The following UBE2D3 variants were observed in gnomAD, a reference collection of about 807,000 sequenced individuals.
UBE2D3 encodes ubiquitin-conjugating enzyme E2 D3.
Under a neutral mutation model 22.8 loss-of-function variants are expected in UBE2D3, and 2 were observed. The observed-to-expected ratio is 0.09, with a 90% confidence interval of 0.04 to 0.28. The LOEUF (loss-of-function observed/expected upper bound fraction) is 0.28. UBE2D3 is among the 10% of genes least tolerant of loss of function. UBE2D3 has a pLI of 1.00. For synonymous variants in UBE2D3, 56 were observed against 60.4 expected (o/e 0.93, Z 0.34); for missense variants, 27 against 182.5 (o/e 0.15, Z 4.91).
chr4:102,863,322 ATTACAGGC>A (rs1732990162), intron 1 of UBE2D3, among the ~76,000 whole-genome samples: 1 of 151,938 alleles, frequency 6.6e-6, no homozygotes, highest in South Asian at 2.1e-4. Context: ...AAGTGCCGGG[ATTACAGGC>A]GTGAGCCACC....
chr4:102,846,763 C>T (rs1022732444), intron 1 of UBE2D3, among the ~76,000 whole-genome samples: 2 of 152,030 alleles, frequency 1.3e-5, no homozygotes, highest in African/African-American at 4.8e-5. Flanking sequence ...CCTCAACCTT[C>T]TGAGTAGCTG....
intron 2 of UBE2D3, among the ~76,000 whole-genome samples, chr4:102,818,276 A>C (rs562295490): frequency 6.6e-6 from 1 of 152,316 alleles, no homozygotes; most frequent in African/African-American, 2.4e-5. Flanking sequence ...AAGGTTGGAC[A>C]TTTCTTTTCC....
chr4:102,839,999 C>T (rs1731652464), intron 1 of UBE2D3, among the ~76,000 whole-genome samples: 1 of 152,138 alleles, frequency 6.6e-6, no homozygotes, highest in Admixed American at 6.5e-5. Context: ...GAAGAAGACA[C>T]AAATGCCCAA....
At chr4:102,849,045 C>T (rs1189116210) in intron 1 of UBE2D3, among the ~76,000 whole-genome samples, 1 of 151,060 alleles carries the variant, frequency 6.6e-6, no homozygotes, top group Non-Finnish European at 1.5e-5. Flanking sequence ...TCTTTAGAGT[C>T]TTAAGAAGAA....
rs1727634948 is a variant in UBE2D3, at chr4:102,809,617, C to T, written c.120+55G>A. The T allele has an allele frequency of 3.3e-6, 5 of 1,506,518 alleles. No individual in the cohort carries two copies. The South Asian group carries it at 6.3e-5, about 19-fold the overall frequency. The allele number at this position is 1,506,518 out of a possible 1,614,324, so 93.3% of individuals were successfully genotyped here. A position where few individuals can be genotyped will look rare whatever the true frequency, so the allele number is the denominator to read the frequency against. On this transcript the variant is annotated intron_variant, in intron 4 of 7. Coordinates refer to ENST00000453744, the MANE Select transcript of UBE2D3 (RefSeq NM_181891.3). ...TACAGACCAAGTTAAAAATTACAACCAAATCAATGCTGGATTTTCACTTAA... is the reference window on the plus strand; with the variant it reads ...TACAGACCAAGTTAAAAATTACAACTAAATCAATGCTGGATTTTCACTTAA...
intron 1 of UBE2D3, among the ~76,000 whole-genome samples, chr4:102,865,321 G>A (rs534353428): frequency 9.2e-5 from 14 of 151,850 alleles, no homozygotes; most frequent in Non-Finnish European, 1.6e-4. Context: ...GTGAAACCTC[G>A]TCTCTACTAA....
chr4:102,851,924 C>G (rs1732378919), intron 1 of UBE2D3, among the ~76,000 whole-genome samples: 1 of 152,118 alleles, frequency 6.6e-6, no homozygotes, highest in Non-Finnish European at 1.5e-5. Context: ...CCCACCTCAG[C>G]CTCCCAAAGT....
intron 2 of UBE2D3, among the ~76,000 whole-genome samples, chr4:102,814,008 T>A (rs1412138639): frequency 6.6e-6 from 1 of 152,220 alleles, no homozygotes. Context: ...GATCCCAAGA[T>A]TCACAATTTT....
intron 7 of UBE2D3, among the ~76,000 whole-genome samples, chr4:102,797,784 C>T (rs564707006): frequency 1.3e-5 from 2 of 152,060 alleles, no homozygotes; most frequent in Middle Eastern, 3.4e-3. Context: ...GAAATTTTTA[C>T]AGTTCATTAT....
chr4:102,814,725 A>G (rs1728554691), intron 2 of UBE2D3, among the ~76,000 whole-genome samples: 1 of 152,094 alleles, frequency 6.6e-6, no homozygotes. Flanking sequence ...CCATGTGTAG[A>G]CCACCCATCC....
At chr4:102,824,209 T>C (rs576614152) in intron 2 of UBE2D3, among the ~76,000 whole-genome samples, 1 of 152,352 alleles carries the variant, frequency 6.6e-6, no homozygotes, top group Non-Finnish European at 1.5e-5. Flanking sequence ...GTTGTGTCTA[T>C]ATTACATAAA....
intron 4 of UBE2D3, among the ~76,000 whole-genome samples, chr4:102,803,105 G>A (rs1352448625): frequency 1.3e-5 from 2 of 152,148 alleles, no homozygotes; most frequent in African/African-American, 2.4e-5. Flanking sequence ...TTCAAGAGGA[G>A]AACAGAGAAA....
At chr4:102,809,354 TG>T (rs1430620661) in intron 4 of UBE2D3, 5 of 300,188 alleles carry the variant, frequency 1.7e-5, no homozygotes, top group African/African-American at 4.4e-5. Flanking sequence ...CCAGTAACTT[TG>T]TCTCTATAAA....
intron 1 of UBE2D3, among the ~76,000 whole-genome samples, chr4:102,846,238 ATAG>A (rs1390746740): frequency 2.0e-5 from 3 of 152,226 alleles, no homozygotes; most frequent in Admixed American, 6.5e-5. Flanking sequence ...CTCCTAGGAA[ATAG>A]TGGTGCTCCC....
intron 1 of UBE2D3, among the ~76,000 whole-genome samples, chr4:102,836,367 G>A (rs1385631740): frequency 1.3e-5 from 2 of 151,808 alleles, no homozygotes; most frequent in East Asian, 1.9e-4. Flanking sequence ...GGCTGGTCTC[G>A]AACTCCTGAC....
rs544733079 is a variant in UBE2D3, at chr4:102,858,174, A to C, written c.-129+10541T>G. ...GGTTGTCTTGAGAATTAAAACACAT[A>C]ATGTACAAATAAAACACCATGATTT... On this transcript the variant is annotated intron_variant, in intron 1 of 7. Coordinates refer to the UBE2D3 transcript ENST00000338145. Among the ~76,000 whole-genome samples, 5 of 152,180 alleles carry C rather than the reference A, an allele frequency of 3.3e-5. 1 individual carries two copies. In the East Asian group the frequency reaches 9.6e-4, roughly 29 times the overall value.
At chr4:102,843,836 A>G (rs223367) in intron 1 of UBE2D3, 82,613 of 151,716 alleles carry the variant, frequency 0.54, 23,057 homozygotes, top group African/African-American at 0.68. Context: ...ACAAAAGACC[A>G]TCAAGGTCCC....
chr4:102,827,352 GCACTGCCCCTCTTACCCGGCCGGC>G (rs1730730497), intron 1 of UBE2D3, 51 bp downstream of exon 1: 2 of 981,970 alleles, frequency 2.0e-6, no homozygotes, highest in Non-Finnish European at 2.4e-6. Flanking sequence ...CCCAGGTCCC[GCACTGCCCCTCTTACCCGGCCGGC>G]CACTGGGCCG....
At chr4:102,803,425 G>GTA (rs1419634006) in intron 4 of UBE2D3, among the ~76,000 whole-genome samples, 1 of 152,182 alleles carries the variant, frequency 6.6e-6, no homozygotes, top group Admixed American at 6.5e-5. Flanking sequence ...GAAAGGCTTT[G>GTA]TATATACAGC....
Sources: allele counts gnomAD v4.1 joint callset (sites outside exome capture counted in the v4.1 genomes callset), GRCh38; gene constraint gnomAD v4.1.1; transcripts MANE v1.5; gene names NCBI Gene and HGNC (gene_info 2026-07-23, HGNC 2026-07-21).